TLN2: variants seen among roughly 807,000 people sequenced by gnomAD.
TLN2 encodes talin 2, also known as talin-2.
In TLN2, 118 loss-of-function variants were observed where a neutral mutation model predicts 294.7. The observed-to-expected ratio is 0.40, with a 90% confidence interval of 0.34 to 0.47. The LOEUF is 0.47. Ranked by LOEUF, TLN2 falls within the 20% of genes least tolerant of loss-of-function variation. The pLI, the probability that TLN2 is intolerant of heterozygous loss-of-function variation, is 0.84. For synonymous variants in TLN2, 1,431 were observed against 1,304.5 expected, an observed-to-expected ratio of 1.10 and a Z score of -2.09; for missense variants, 3,083 against 3,282.2, an observed-to-expected ratio of 0.94 and a Z score of 1.48.
intron 1 of TLN2, among the ~76,000 whole-genome samples, chr15:62,467,377 C>T (rs914298879): frequency 1.3e-5 from 2 of 152,144 alleles, no homozygotes; most frequent in African/African-American, 4.8e-5. Flanking sequence ...CTTAATTTTA[C>T]TCAGGTAATA....
chr15:62,704,387 C>G (rs1245926433), intron 19 of TLN2, among the ~76,000 whole-genome samples: 1 of 152,198 alleles, frequency 6.6e-6, no homozygotes, highest in Non-Finnish European at 1.5e-5. Flanking sequence ...CTCTGGCATT[C>G]AGGTTTCTTG....
chr15:62,784,044 C>A (rs2064425091), intron 45 of TLN2, 154 bp downstream of exon 45: 2 of 1,289,546 alleles, frequency 1.6e-6, no homozygotes, highest in African/African-American at 2.9e-5. Flanking sequence ...CAGGTCCAGA[C>A]CAGGTAGCCC....
rs142916180 is a variant in TLN2 at position 62,467,641 on chromosome 15, C to T, written c.-238+76956C>T. 9.9e-3 allele frequency among the ~76,000 whole-genome samples: 1,504 copies of T among 152,062 alleles called. 31 individuals carry two copies. The highest frequency in any genetic ancestry group is 0.033 in the African/African-American group (1,375 of 41,464). On this transcript the variant is annotated intron_variant, in intron 1 of 58. Coordinates refer to ENST00000636159, the MANE Select transcript of TLN2 (RefSeq NM_015059.3). The stretch of plus-strand genomic sequence containing the variant: ...TAGAGGTTGCGGTGAGCTGAGATTG[C>T]GCCATTGCACTCCAGCCTGGGTGAC...
At chr15:62,695,647 C>T (rs1328866797) in intron 14 of TLN2, among the ~76,000 whole-genome samples, 3 of 152,212 alleles carry the variant, frequency 2.0e-5, no homozygotes, top group African/African-American at 7.2e-5. Context: ...GCCAGTTTCT[C>T]ACAATTTGCT....
intron 1 of TLN2, among the ~76,000 whole-genome samples, chr15:62,541,520 A>G (rs1428658006): frequency 6.6e-6 from 1 of 152,132 alleles, no homozygotes; most frequent in East Asian, 1.9e-4. Flanking sequence ...TGCTCAGGGA[A>G]CCACCCCTTC....
At chr15:62,472,234 C>T (rs1432205667) in intron 1 of TLN2, among the ~76,000 whole-genome samples, 1 of 152,116 alleles carries the variant, frequency 6.6e-6, no homozygotes, top group East Asian at 1.9e-4. Flanking sequence ...CCTCCCCACA[C>T]CACCTATCTG....
At chr15:62,677,137 G>T (rs1422418621) in intron 11 of TLN2, among the ~76,000 whole-genome samples, 1 of 152,210 alleles carries the variant, frequency 6.6e-6, no homozygotes, top group Non-Finnish European at 1.5e-5. Context: ...GAACACATGG[G>T]GAGATCTGCT....
At chr15:62,778,049 AAGC>A (rs958227351) in intron 43 of TLN2, among the ~76,000 whole-genome samples, 1 of 152,244 alleles carries the variant, frequency 6.6e-6, no homozygotes, top group Admixed American at 6.5e-5. Flanking sequence ...TCAGGATAAT[AAGC>A]AGTCTTTAAT....
chr15:62,708,664 C>G lies in TLN2; in HGVS notation c.2335C>G (p.Gln779Glu), dbSNP rs757316828. The change falls in exon 21 of 59, where the codon CAG (glutamine) becomes GAG (glutamate). Residue 779 changes from glutamine to glutamate, a missense_variant. Transcript: ENST00000636159. ...QVSAAASVVSQALHDLLQHVR... is the reference protein window; with the variant it reads ...QVSAAASVVSEALHDLLQHVR... The stretch of plus-strand genomic sequence containing the variant: ...CAGCGCAGCGGCCAGCGTGGTCAGC[C>G]AGGCCCTCCATGATCTCCTGCAGCA... The G allele has an allele frequency of 3.1e-6, 5 of 1,614,220 alleles. No homozygotes were observed. Among genetic ancestry groups the G allele is most frequent in the Non-Finnish European group, 4.2e-6 (5 of 1,180,048 alleles).
At chr15:62,432,130 A>AT (rs1176657334) in intron 1 of TLN2, among the ~76,000 whole-genome samples, 2 of 152,096 alleles carry the variant, frequency 1.3e-5, no homozygotes, top group Admixed American at 6.6e-5. Flanking sequence ...GTTTAATTAA[A>AT]TTTTTTTACT....
chr15:62,683,491 GCATTCTCCC>G (rs2057022790), intron 11 of TLN2, among the ~76,000 whole-genome samples: 1 of 132,760 alleles, frequency 7.5e-6, no homozygotes, highest in Non-Finnish European at 1.6e-5. Flanking sequence ...TAGAATGCCT[GCATTCTCCC>G]GCCTCTCATT....
At chr15:62,797,166 C>A in intron 47 of TLN2, 53 bp from the exon 48 acceptor site, 1 of 1,597,372 alleles carries the variant, frequency 6.3e-7, no homozygotes, top group South Asian at 1.1e-5. Flanking sequence ...TTGAAGTAAT[C>A]AAGCTTTGCC....
At chr15:62,568,579 G>A (rs565952814) in intron 1 of TLN2, among the ~76,000 whole-genome samples, 2 of 152,294 alleles carry the variant, frequency 1.3e-5, no homozygotes, top group South Asian at 4.1e-4. Context: ...AACGGAGATG[G>A]ATAATGACAG....
rs551486785 is a variant in TLN2, at chr15:62,771,137, A to G, written c.5367+3A>G. ...AAGAAGGTGGCGGAAACCCCAAGGTATGGTCCAGGATATCGGGGACTCACT... is the reference window on the plus strand; with the variant it reads ...AAGAAGGTGGCGGAAACCCCAAGGTGTGGTCCAGGATATCGGGGACTCACT... On this transcript the variant is annotated splice_donor_region_variant and intron_variant, in intron 42 of 58. Transcript: ENST00000636159. 5 of 1,602,268 alleles carry G rather than the reference A, an allele frequency of 3.1e-6. No homozygotes were observed. Among genetic ancestry groups the G allele is most frequent in the Admixed American group, 1.7e-5 (1 of 59,592 alleles).
intron 1 of TLN2, among the ~76,000 whole-genome samples, chr15:62,547,202 A>C (rs1055130459): frequency 6.6e-6 from 1 of 152,158 alleles, no homozygotes; most frequent in African/African-American, 2.4e-5. Flanking sequence ...CAGCCCTTTC[A>C]TTTCTCTACT....
chr15:62,673,711 C>A, intron 9 of TLN2, 116 bp from the exon 10 acceptor site: 1 of 720,420 alleles, frequency 1.4e-6, no homozygotes, highest in Non-Finnish European at 2.3e-6. Context: ...ATTAATTACT[C>A]TATAAAATAT....
chr15:62,462,972 A>G (rs1306022554), intron 1 of TLN2, among the ~76,000 whole-genome samples: 1 of 152,198 alleles, frequency 6.6e-6, no homozygotes, highest in African/African-American at 2.4e-5. Flanking sequence ...CAAACTCTCT[A>G]GAGCTCCCTC....
intron 1 of TLN2, among the ~76,000 whole-genome samples, chr15:62,409,781 T>C (rs990088026): frequency 1.3e-5 from 2 of 152,152 alleles, no homozygotes; most frequent in African/African-American, 2.4e-5. Context: ...TGGGAGGAGA[T>C]ACTTTATTAA....
Position 62,792,735 on chromosome 15 carries a change from A to G in TLN2, c.5831A>G (p.Asp1944Gly). The G allele has an allele frequency of 6.2e-7, 1 of 1,614,078 alleles. No homozygotes were observed. The highest frequency in any genetic ancestry group is 1.1e-5 in the South Asian group (1 of 91,074). Reference protein sequence around the residue: ...KAGALQVCPTDSYTKRELIEC... With the variant: ...KAGALQVCPTGSYTKRELIEC... Reference sequence around the variant, plus strand: ...GGGGCCCTCCAGGTCTGCCCCACAGACAGCTACACCAAGAGGGAGCTGATC... The same window carrying G: ...GGGGCCCTCCAGGTCTGCCCCACAGGCAGCTACACCAAGAGGGAGCTGATC... Residue 1944 changes from aspartate to glycine, a missense_variant, in exon 46 of 59, where the codon GAC becomes GGC. Transcript: ENST00000636159.
Sources: allele counts gnomAD v4.1 joint callset (sites outside exome capture counted in the v4.1 genomes callset), GRCh38; gene constraint gnomAD v4.1.1; transcripts MANE v1.5; gene names NCBI Gene and HGNC (gene_info 2026-07-23, HGNC 2026-07-21).